ADAMTSL1: variants seen among roughly 807,000 people sequenced by gnomAD.
ADAMTSL1 encodes the protein ADAMTS-like protein 1.
Under a neutral mutation model 201.8 loss-of-function variants are expected in ADAMTSL1, and 126 were observed. That is an observed-to-expected ratio of 0.62 (90% CI 0.54 to 0.72). The LOEUF is 0.72. Ranked by LOEUF, ADAMTSL1 falls within the 30% of genes least tolerant of loss-of-function variation. The pLI is 0.00. For missense variants in ADAMTSL1, 2,679 were observed against 2,277.8 expected, an observed-to-expected ratio of 1.18 and a Z score of -3.59; for synonymous variants, 1,121 against 903.4, an observed-to-expected ratio of 1.24 and a Z score of -4.32.
chr9:17,952,462 A>G (rs1386119907), intron 1 of ADAMTSL1, among the ~76,000 whole-genome samples: 1 of 152,054 alleles, frequency 6.6e-6, no homozygotes, highest in African/African-American at 2.4e-5. Flanking sequence ...CTAGTCTATC[A>G]CTTGCCTTCT....
At chr9:18,691,397 A>G (rs1479995226) in intron 13 of ADAMTSL1, among the ~76,000 whole-genome samples, 1 of 152,218 alleles carries the variant, frequency 6.6e-6, no homozygotes, top group Admixed American at 6.5e-5. Flanking sequence ...TGATTCCAGA[A>G]CTAGTACTTG....
chr9:18,457,323 G>T (rs187660714), intron 2 of ADAMTSL1, among the ~76,000 whole-genome samples: 2 of 151,728 alleles, frequency 1.3e-5, no homozygotes, highest in African/African-American at 4.9e-5. Flanking sequence ...TATTAAGGAG[G>T]GAATAATTTC....
At chr9:18,889,778 C>G in intron 25 of ADAMTSL1, 30 bp downstream of exon 25, 1 of 1,432,690 alleles carries the variant, frequency 7.0e-7, no homozygotes, top group Non-Finnish European at 9.1e-7. Flanking sequence ...GCTCAGACCT[C>G]CCCACCCTAG....
At chr9:17,984,575 C>G (rs1818847514) in intron 1 of ADAMTSL1, among the ~76,000 whole-genome samples, 1 of 152,030 alleles carries the variant, frequency 6.6e-6, no homozygotes, top group Non-Finnish European at 1.5e-5. Flanking sequence ...GAGGAACATA[C>G]TTAATTTTTT....
At chr9:18,791,863 T>A (rs1186616362) in intron 19 of ADAMTSL1, among the ~76,000 whole-genome samples, 1 of 152,170 alleles carries the variant, frequency 6.6e-6, no homozygotes, top group Non-Finnish European at 1.5e-5. Context: ...TACCACTCTG[T>A]GCCCTCTGTG....
At chr9:18,543,942 C>A (rs111317594) in intron 3 of ADAMTSL1, among the ~76,000 whole-genome samples, 1 of 152,102 alleles carries the variant, frequency 6.6e-6, no homozygotes, top group Non-Finnish European at 1.5e-5. Flanking sequence ...TCTCCTATCC[C>A]TTCTCCTTAA....
At chr9:18,066,357 G>A (rs547748441) in intron 1 of ADAMTSL1, among the ~76,000 whole-genome samples, 2 of 152,116 alleles carry the variant, frequency 1.3e-5, no homozygotes, top group African/African-American at 4.8e-5. Context: ...GAGAAAGATA[G>A]TTACAAATGT....
At chr9:18,877,097 T>C (rs868812350) in intron 23 of ADAMTSL1, among the ~76,000 whole-genome samples, 4 of 152,218 alleles carry the variant, frequency 2.6e-5, no homozygotes, top group African/African-American at 7.2e-5. Context: ...GTTATGATTG[T>C]TTTTTATTTA....
chr9:18,170,585 A>T (rs1256039782), intron 2 of ADAMTSL1, among the ~76,000 whole-genome samples: 1 of 152,104 alleles, frequency 6.6e-6, no homozygotes, highest in East Asian at 1.9e-4. Context: ...CGTGAAGCCT[A>T]TGGGACCAAT....
In ADAMTSL1 at chr9:18,270,912, C is replaced by G. The variant is rs112899003; in HGVS notation, c.207+106931C>G. Among the ~76,000 whole-genome samples the G allele has an allele frequency of 5.3e-3, 801 of 152,202 alleles. 9 individuals are homozygous for G. Among genetic ancestry groups the G allele is most frequent in the African/African-American group, 0.018 (756 of 41,518 alleles). On this transcript the variant is annotated intron_variant, in intron 2 of 29. Coordinates refer to the ADAMTSL1 transcript ENST00000680146. Reference sequence around the variant, plus strand: ...TTGCATAGTCTCTTTCCCTGTTGTTCTGAAGAAAGAAGACTCTAGGACCCT... The same window carrying G: ...TTGCATAGTCTCTTTCCCTGTTGTTGTGAAGAAAGAAGACTCTAGGACCCT...
chr9:18,630,844 TACG>T (rs997437951), intron 5 of ADAMTSL1, among the ~76,000 whole-genome samples: 2 of 152,190 alleles, frequency 1.3e-5, no homozygotes, highest in African/African-American at 4.8e-5. Context: ...TGACTCCTTC[TACG>T]ACAATGCAGT....
At chr9:18,008,282 C>T (rs920791046) in intron 1 of ADAMTSL1, among the ~76,000 whole-genome samples, 3 of 151,976 alleles carry the variant, frequency 2.0e-5, no homozygotes, top group Non-Finnish European at 2.9e-5. Context: ...CCACATTGTC[C>T]TTTCCAATGT....
At chr9:18,534,016 G>C (rs1042092198) in intron 3 of ADAMTSL1, among the ~76,000 whole-genome samples, 14 of 152,284 alleles carry the variant, frequency 9.2e-5, no homozygotes, top group African/African-American at 3.4e-4. Context: ...CTGAGCACTA[G>C]TTTCACCAGA....
chr9:18,450,742 G>T (rs894437293), intron 2 of ADAMTSL1, among the ~76,000 whole-genome samples: 5 of 152,118 alleles, frequency 3.3e-5, no homozygotes, highest in African/African-American at 4.8e-5. Context: ...CCTCTGAAGT[G>T]ATTCATTATT....
intron 4 of ADAMTSL1, among the ~76,000 whole-genome samples, chr9:18,578,606 G>C (rs1303613892): frequency 1.3e-5 from 2 of 152,148 alleles, no homozygotes. Context: ...TGCAAAATGA[G>C]GATAATAATT....
chr9:18,243,498 A>T (rs1831144575), intron 2 of ADAMTSL1, among the ~76,000 whole-genome samples: 1 of 151,860 alleles, frequency 6.6e-6, no homozygotes, highest in African/African-American at 2.4e-5. Flanking sequence ...GAAATAACGA[A>T]TGTCTTTCTT....
chr9:18,771,733 T>G (rs57664578), intron 17 of ADAMTSL1, among the ~76,000 whole-genome samples: 5 of 99,564 alleles, frequency 5.0e-5, no homozygotes, highest in African/African-American at 1.4e-4. Context: ...TTTTTTTTTT[T>G]GGATAGTATA....
chr9:18,546,592 G>A (rs1366903424), intron 3 of ADAMTSL1, among the ~76,000 whole-genome samples: 1 of 151,932 alleles, frequency 6.6e-6, no homozygotes, highest in Non-Finnish European at 1.5e-5. Context: ...TTAAAAGAAA[G>A]ATATCACTGT....
intron 1 of ADAMTSL1, among the ~76,000 whole-genome samples, chr9:18,156,784 C>T (rs1827173462): frequency 6.6e-6 from 1 of 151,942 alleles, no homozygotes; most frequent in South Asian, 2.1e-4. Context: ...CTTTCATTGT[C>T]TAAGTGTAGG....
Sources: gnomAD v4.1 joint callset for allele counts (sites outside exome capture counted in the v4.1 genomes callset) on GRCh38, gnomAD v4.1.1 for gene constraint, MANE v1.5 for transcripts, NCBI Gene and HGNC (gene_info 2026-07-23, HGNC 2026-07-21) for gene names.